The following ZNF670 variants were observed in gnomAD, a reference collection of about 807,000 sequenced individuals.
ZNF670 encodes zinc finger protein 670.
ZNF670 carries 7 observed loss-of-function variants against 10.9 expected under a neutral mutation model. The observed-to-expected ratio is 0.64, with a 90% CI of 0.36 to 1.20. The LOEUF (loss-of-function observed/expected upper bound fraction) is 1.20, where lower values mean the gene tolerates loss of function less well. ZNF670 is among the 50% of genes most tolerant of loss of function. The pLI, the probability that ZNF670 is intolerant of heterozygous loss-of-function variation, is 0.02. For synonymous variants in ZNF670, 136 were observed against 152.7 expected (o/e 0.89, Z 0.81); for missense variants, 446 against 458.6 (o/e 0.97, Z 0.25).
intron 1 of ZNF670, among the ~76,000 whole-genome samples, chr1:247,063,295 C>A (rs971677660): frequency 5.3e-5 from 8 of 152,172 alleles, no homozygotes; most frequent in Admixed American, 2.0e-4. Context: ...AACTGAAGGC[C>A]AGGCGCGGTG....
chr1:247,056,163 C>A (rs1440147134), intron 1 of ZNF670, among the ~76,000 whole-genome samples: 3 of 151,728 alleles, frequency 2.0e-5, no homozygotes, highest in Non-Finnish European at 4.4e-5. Flanking sequence ...TTACTCTGCA[C>A]TGTAGACCAA....
intron 1 of ZNF670, among the ~76,000 whole-genome samples, chr1:247,061,750 T>A (rs1194246558): frequency 6.6e-6 from 1 of 152,172 alleles, no homozygotes; most frequent in East Asian, 1.9e-4. Context: ...CAGACAAATG[T>A]CTGATAATAG....
chr1:247,043,420 T>C (rs540966526), intron 1 of ZNF670: 17 of 577,958 alleles, frequency 2.9e-5, no homozygotes, highest in South Asian at 2.7e-4. Context: ...ATTCACCCTT[T>C]TGTCAGAAAA....
At chr1:247,060,318 C>T (rs911168777) in intron 1 of ZNF670, among the ~76,000 whole-genome samples, 5 of 152,118 alleles carry the variant, frequency 3.3e-5, no homozygotes, top group Admixed American at 3.3e-4. Flanking sequence ...TAAACCCTGA[C>T]AAATATAATC....
At position 247,036,442 on chromosome 1, in the gene ZNF670, CAGGA is replaced by C. The variant is rs1381174320; in HGVS notation, c.*1003_*1006del. Among the ~76,000 whole-genome samples, 3 of 152,126 alleles carry C rather than the reference CAGGA, an allele frequency of 2.0e-5. No individual in the cohort carries two copies. The highest frequency in any genetic ancestry group is 2.9e-5 in the Non-Finnish European group (2 of 68,030). On this transcript the variant is annotated 3_prime_UTR_variant, in exon 4 of 4. Transcript: ENST00000366503. ...CTGAGGCAGGAGGATAGCTTGAGGC[CAGGA>C]ATTCAATACCAGCCTAGACAATACA... is the stretch of plus-strand genomic sequence containing the variant.
chr1:247,074,850 G>A (rs1469624539), intron 1 of ZNF670, among the ~76,000 whole-genome samples: 1 of 152,218 alleles, frequency 6.6e-6, no homozygotes. Context: ...GCCACCGACA[G>A]GTACTGCTCC....
intron 1 of ZNF670, among the ~76,000 whole-genome samples, chr1:247,057,191 A>T (rs1670740608): frequency 6.6e-6 from 1 of 152,218 alleles, no homozygotes; most frequent in Admixed American, 6.5e-5. Flanking sequence ...TGGGCAAATA[A>T]TCCAATCCAA....
chr1:247,038,938 A>C, intron 2 of ZNF670, 68 bp from the exon 3 acceptor site: 1 of 1,277,298 alleles, frequency 7.8e-7, no homozygotes, highest in South Asian at 1.3e-5. Flanking sequence ...TTCAAGGTTC[A>C]CTATACACTG....
In ZNF670 at chr1:247,053,360, C is replaced by T. The variant is rs191159075; in HGVS notation, c.4-13823G>A. ...AATTATTATAAAGTTCAGGCCGGCG[C>T]GGTGGCTCACGCCTGTAATCCCAGT... On this transcript the variant is annotated intron_variant, in intron 1 of 3. Coordinates refer to ENST00000366503, the MANE Select transcript of ZNF670 (RefSeq NM_033213.5). 2.7e-3 allele frequency among the ~76,000 whole-genome samples: 415 copies of T among 152,236 alleles called. 4 individuals are homozygous for T. Among genetic ancestry groups the T allele is most frequent in the African/African-American group, 9.3e-3 (388 of 41,530 alleles).
intron 1 of ZNF670, chr1:247,043,217 C>G: frequency 1.4e-6 from 1 of 703,426 alleles, no homozygotes. Flanking sequence ...GCATCACTAA[C>G]ACAGCACTGA....
chr1:247,072,026 T>G (rs1305779819), intron 1 of ZNF670, among the ~76,000 whole-genome samples: 1 of 151,698 alleles, frequency 6.6e-6, no homozygotes, highest in Non-Finnish European at 1.5e-5. Context: ...CCTGGCTAAT[T>G]TTTTGTATTT....
chr1:247,060,006 C>T (rs1670821799), intron 1 of ZNF670, among the ~76,000 whole-genome samples: 2 of 152,220 alleles, frequency 1.3e-5, no homozygotes, highest in Non-Finnish European at 2.9e-5. Context: ...GAGAGATATT[C>T]CACGTCCATG....
chr1:247,041,481 T>C (rs1670309519), intron 1 of ZNF670, among the ~76,000 whole-genome samples: 1 of 152,170 alleles, frequency 6.6e-6, no homozygotes, highest in Non-Finnish European at 1.5e-5. Flanking sequence ...TAGTCAGGTA[T>C]ATGACATTTG....
At chr1:247,067,759 G>A (rs1240872229) in intron 1 of ZNF670, among the ~76,000 whole-genome samples, 22 of 136,406 alleles carry the variant, frequency 1.6e-4, no homozygotes, top group Non-Finnish European at 2.8e-4. Context: ...GGAGAATGGC[G>A]TGAACCCGGG....
chr1:247,072,804 G>GTGTATATATATATA (rs1484895671), intron 1 of ZNF670, among the ~76,000 whole-genome samples: 10 of 47,644 alleles, frequency 2.1e-4, no homozygotes, highest in East Asian at 1.5e-3. Flanking sequence ...AAAAGTGTGT[G>GTGTATATATATATA]TATATATATA....
intron 1 of ZNF670, among the ~76,000 whole-genome samples, chr1:247,047,653 G>C (rs184534068): frequency 5.0e-4 from 76 of 152,302 alleles, no homozygotes; most frequent in African/African-American, 1.7e-3. Context: ...GCAAACTTCT[G>C]CCTAGACGTC....
rs1216738526 is a variant in ZNF670 at position 247,038,096 on chromosome 1, C to T, written c.523G>A (p.Glu175Lys). ...SNGPYKGPVY[E>K]KPFDFPSVFQ... ...ACACTAGGAAAATCAAAAGGCTTCTCATACACTGGACCCTTATAAGGCCCA... is the reference window on the plus strand; with the variant it reads ...ACACTAGGAAAATCAAAAGGCTTCTTATACACTGGACCCTTATAAGGCCCA... Residue 175 changes from glutamate (E) to lysine (K), a missense_variant, in exon 4 of 4, where the codon GAG (glutamate) becomes AAG (lysine). By Grantham distance (56) the Glu-to-Lys change is moderately conservative. Coordinates refer to ENST00000366503, the MANE Select transcript of ZNF670 (RefSeq NM_033213.5). The T allele has an allele frequency of 1.9e-6, 3 of 1,614,066 alleles. No individual in the cohort carries two copies. The highest frequency in any genetic ancestry group is 2.5e-6 in the Non-Finnish European group (3 of 1,180,024).
At chr1:247,039,783 G>C (rs1670261743) in intron 1 of ZNF670, among the ~76,000 whole-genome samples, 1 of 152,140 alleles carries the variant, frequency 6.6e-6, no homozygotes, top group Admixed American at 6.5e-5. Flanking sequence ...CAGGTGCAGG[G>C]AATAAACTGT....
intron 1 of ZNF670, among the ~76,000 whole-genome samples, chr1:247,069,889 G>T (rs755852269): frequency 6.6e-6 from 1 of 152,180 alleles, no homozygotes; most frequent in Non-Finnish European, 1.5e-5. Flanking sequence ...TGGTTAATGC[G>T]TATTTAAAAA....
Sources: allele counts gnomAD v4.1 joint callset (sites outside exome capture counted in the v4.1 genomes callset), GRCh38; gene constraint gnomAD v4.1.1; transcripts MANE v1.5; gene names NCBI Gene and HGNC (gene_info 2026-07-23, HGNC 2026-07-21).